The following RNF180 variants were observed in gnomAD, a reference collection of about 807,000 sequenced individuals.
The protein encoded by RNF180 is E3 ubiquitin-protein ligase RNF180.
RNF180 carries 38 observed loss-of-function variants against 59.2 expected under a neutral mutation model. The ratio of observed to expected loss-of-function variants is 0.64; its 90% CI spans 0.50 to 0.84. The LOEUF is 0.84. Ranked by LOEUF, RNF180 falls within the 40% of genes least tolerant of loss-of-function variation. The probability of loss-of-function intolerance (pLI) is 0.00; values close to 1 mark genes in which losing one functional copy is unlikely to be tolerated. For synonymous variants in RNF180, 262 were observed against 240.3 expected (o/e 1.09, Z -0.84); for missense variants, 705 against 700.9 (o/e 1.01, Z -0.07).
chr5:64,359,926 G>A (rs1188920020), intron 7 of RNF180, among the ~76,000 whole-genome samples: 1 of 151,924 alleles, frequency 6.6e-6, no homozygotes, highest in Non-Finnish European at 1.5e-5. Context: ...TCTCAGGTTT[G>A]TCAAAGATCA....
At chr5:64,323,640 C>T (rs529212898) in intron 5 of RNF180, among the ~76,000 whole-genome samples, 5 of 152,194 alleles carry the variant, frequency 3.3e-5, no homozygotes, top group African/African-American at 1.2e-4. Context: ...AAAACATTCT[C>T]AAGGCTTTAG....
At chr5:64,224,508 TGTA>T (rs1189808279) in intron 5 of RNF180, among the ~76,000 whole-genome samples, 6 of 152,106 alleles carry the variant, frequency 3.9e-5, no homozygotes, top group African/African-American at 4.8e-5. Flanking sequence ...AGGGAGAAGT[TGTA>T]GTGGTGAGGT....
At chr5:64,350,387 T>A (rs1745750718) in intron 7 of RNF180, among the ~76,000 whole-genome samples, 1 of 152,180 alleles carries the variant, frequency 6.6e-6, no homozygotes, top group Non-Finnish European at 1.5e-5. Flanking sequence ...GATGGTAGTT[T>A]CCTTTGCAGA....
At chr5:64,177,875 G>A (rs532831920) in intron 1 of RNF180, among the ~76,000 whole-genome samples, 1 of 152,098 alleles carries the variant, frequency 6.6e-6, no homozygotes, top group South Asian at 2.1e-4. Flanking sequence ...GGCAAAAGAA[G>A]GACCATTACT....
intron 5 of RNF180, among the ~76,000 whole-genome samples, chr5:64,300,658 G>T (rs1488114510): frequency 1.3e-5 from 2 of 151,530 alleles, no homozygotes; most frequent in Admixed American, 6.6e-5. Context: ...AGCCATTAAG[G>T]GCCAGATCTT....
At chr5:64,362,358 A>G (rs1384827499) in intron 7 of RNF180, among the ~76,000 whole-genome samples, 1 of 151,666 alleles carries the variant, frequency 6.6e-6, no homozygotes, top group East Asian at 1.9e-4. Flanking sequence ...CTGTTTCTAC[A>G]TTAGCTTGCT....
At chr5:64,298,940 A>C (rs973741896) in intron 5 of RNF180, among the ~76,000 whole-genome samples, 1 of 151,970 alleles carries the variant, frequency 6.6e-6, no homozygotes, top group Admixed American at 6.6e-5. Context: ...AGCCTAGTCC[A>C]AATCAGTGGC....
In RNF180 at chr5:64,174,132, G is replaced by A. The variant is rs140170226; in HGVS notation, c.-1+8179G>A. ...CTCATCCATGTTGCCACAAATGACA[G>A]GACTTCATCCCTTTTTTTGGCTGAA... On this transcript the variant is annotated intron_variant, in intron 1 of 7. Coordinates refer to ENST00000389100, the MANE Select transcript of RNF180 (RefSeq NM_001113561.2). Among the ~76,000 whole-genome samples, 4 of 152,292 alleles carry A rather than the reference G, an allele frequency of 2.6e-5. No homozygotes were observed. The East Asian group carries it at 7.7e-4, about 29-fold the overall frequency.
chr5:64,285,525 G>A (rs923066110), intron 5 of RNF180, among the ~76,000 whole-genome samples: 7 of 151,958 alleles, frequency 4.6e-5, no homozygotes, highest in South Asian at 4.1e-4. Flanking sequence ...ACCACAGGTG[G>A]ACAGGTGTGC....
At chr5:64,224,541 T>A (rs1741554172) in intron 5 of RNF180, among the ~76,000 whole-genome samples, 1 of 152,116 alleles carries the variant, frequency 6.6e-6, no homozygotes, top group Non-Finnish European at 1.5e-5. Flanking sequence ...AGGTTAATAT[T>A]TAATGAGCTT....
intron 5 of RNF180, among the ~76,000 whole-genome samples, chr5:64,323,074 A>G (rs1466667489): frequency 1.3e-5 from 2 of 152,376 alleles, no homozygotes; most frequent in South Asian, 2.1e-4. Context: ...AGAATAAAAT[A>G]TAGTTAAAAT....
In RNF180 at chr5:64,333,055, T is replaced by C. The variant is rs576524657; in HGVS notation, c.1579+2649T>C. Among the ~76,000 whole-genome samples the C allele has an allele frequency of 2.0e-5, 3 of 152,366 alleles. No homozygotes were observed. The South Asian group carries it at 6.2e-4, about 32-fold the overall frequency. The stretch of plus-strand genomic sequence containing the variant: ...AAGAATATAACTTTACACAGTGATT[T>C]GAATGAAGAAAATAGTTTAAGGACA... On this transcript the variant is annotated intron_variant, in intron 7 of 7. Coordinates refer to ENST00000389100, the MANE Select transcript of RNF180 (RefSeq NM_001113561.2).
chr5:64,347,937 T>A (rs1208749387), intron 7 of RNF180, among the ~76,000 whole-genome samples: 1 of 152,126 alleles, frequency 6.6e-6, no homozygotes, highest in Non-Finnish European at 1.5e-5. Context: ...TAAGATTACA[T>A]TGTAATAATT....
intron 1 of RNF180, among the ~76,000 whole-genome samples, chr5:64,195,736 A>G (rs1751423516): frequency 6.6e-6 from 1 of 152,228 alleles, no homozygotes; most frequent in Non-Finnish European, 1.5e-5. Context: ...CAAGACATGT[A>G]AGAAAATAAG....
At chr5:64,190,316 C>T (rs1473748871) in intron 1 of RNF180, among the ~76,000 whole-genome samples, 1 of 152,196 alleles carries the variant, frequency 6.6e-6, no homozygotes, top group Non-Finnish European at 1.5e-5. Context: ...GGAATGGCAA[C>T]CCTATGCATG....
At chr5:64,296,223 G>A (rs988039512) in intron 5 of RNF180, among the ~76,000 whole-genome samples, 10 of 152,114 alleles carry the variant, frequency 6.6e-5, no homozygotes, top group Non-Finnish European at 1.3e-4. Context: ...ACCATGATTA[G>A]CCCCTGATAT....
rs1362985753 is a variant in RNF180, at chr5:64,213,920, G to T, written c.594G>T (p.Leu198=). The T allele has an allele frequency of 3.7e-6, 6 of 1,614,052 alleles. No individual in the cohort carries two copies. Among genetic ancestry groups the T allele is most frequent in the Non-Finnish European group, 5.1e-6 (6 of 1,180,020 alleles). The change falls in exon 4 of 8, where the codon CTG becomes CTT. Residue 198 remains leucine, a synonymous_variant. Transcript: ENST00000389100. ...PTYFEMKNEK[L]LSKASEPKYQ... Reference sequence around the variant, plus strand: ...ATTTTGAGATGAAGAACGAAAAACTGCTGTCCAAAGCATCAGAACCAAAAT... The same window carrying T: ...ATTTTGAGATGAAGAACGAAAAACTTCTGTCCAAAGCATCAGAACCAAAAT...
At chr5:64,326,099 G>A (rs1371220704) in intron 6 of RNF180, among the ~76,000 whole-genome samples, 2 of 152,106 alleles carry the variant, frequency 1.3e-5, no homozygotes, top group Non-Finnish European at 2.9e-5. Context: ...CCATAAAGGA[G>A]CCAAATGAGG....
At chr5:64,275,669 T>C (rs1294489607) in intron 5 of RNF180, among the ~76,000 whole-genome samples, 1 of 151,998 alleles carries the variant, frequency 6.6e-6, no homozygotes, top group Non-Finnish European at 1.5e-5. Context: ...CCTTCTTCTC[T>C]CTTTTCTCCC....
Sources: gnomAD v4.1 joint callset for allele counts (sites outside exome capture counted in the v4.1 genomes callset) on GRCh38, gnomAD v4.1.1 for gene constraint, MANE v1.5 for transcripts, NCBI Gene and HGNC (gene_info 2026-07-23, HGNC 2026-07-21) for gene names.